Variants in FRMD4B observed in about 807,000 individuals in gnomAD.
FRMD4B encodes FERM domain containing 4B.
Under a neutral mutation model 141.5 loss-of-function variants are expected in FRMD4B, and 74 were observed. That is an observed-to-expected ratio of 0.52 (90% CI 0.43 to 0.63). The LOEUF (loss-of-function observed/expected upper bound fraction) is 0.63, where lower values mean the gene tolerates loss of function less well. FRMD4B is among the 30% of genes least tolerant of loss of function. FRMD4B has a pLI of 0.00. For missense variants in FRMD4B, 1,366 were observed against 1,253.4 expected (o/e 1.09, Z -1.36); for synonymous variants, 506 against 467.9 (o/e 1.08, Z -1.05).
chr3:69,420,575 T>C (rs988825544), intron 2 of FRMD4B, among the ~76,000 whole-genome samples: 2 of 151,992 alleles, frequency 1.3e-5, no homozygotes, highest in African/African-American at 4.8e-5. Flanking sequence ...ATTAGAGATG[T>C]TCGGGTTTCA....
At chr3:69,287,198 C>T (rs764110693) in intron 5 of FRMD4B, among the ~76,000 whole-genome samples, 30 of 152,324 alleles carry the variant, frequency 2.0e-4, no homozygotes, top group Non-Finnish European at 3.7e-4. Context: ...TAAAAGTGAT[C>T]TGTCCTTGAT....
intron 1 of FRMD4B, among the ~76,000 whole-genome samples, chr3:69,360,497 A>G (rs60567850): frequency 6.6e-6 from 1 of 152,310 alleles, no homozygotes; most frequent in African/African-American, 2.4e-5. Context: ...CAAAATAAAA[A>G]AAAGCTCCAC....
chr3:69,316,848 G>A (rs1236951653), intron 1 of FRMD4B, among the ~76,000 whole-genome samples: 1 of 152,220 alleles, frequency 6.6e-6, no homozygotes, highest in Non-Finnish European at 1.5e-5. Context: ...CAGGCTGGGT[G>A]TGTTGGCTCA....
rs186711220 is a variant in FRMD4B at position 69,477,083 on chromosome 3, A to C, written c.-128-44322T>G. 3.1e-3 allele frequency among the ~76,000 whole-genome samples: 467 copies of C among 152,312 alleles called. 1 individual carries two copies. Among genetic ancestry groups the C allele is most frequent in the Non-Finnish European group, 5.0e-3 (337 of 68,038 alleles). ...TCCTGAGACTTTGCTGAGGTTGCTT[A>C]CCAGCTTAAGGAGATTTTGGGCTGA... On this transcript the variant is annotated intron_variant, in intron 1 of 5. Coordinates refer to the FRMD4B transcript ENST00000459638.
rs374595722 is a variant in FRMD4B at position 69,361,739 on chromosome 3, T to C, written c.162+24089A>G. ...GCATGAATATAGTATAGTTTATTTA[T>C]CTCCTCTCTTGTTAATGGAAATCAG... On this transcript the variant is annotated intron_variant, in intron 1 of 22. Coordinates refer to ENST00000398540, the MANE Select transcript of FRMD4B (RefSeq NM_015123.3). Among the ~76,000 whole-genome samples the C allele has an allele frequency of 5.9e-5, 9 of 152,340 alleles. No homozygotes were observed. In the East Asian group the frequency reaches 1.7e-3, roughly 29 times the overall value.
intron 1 of FRMD4B, among the ~76,000 whole-genome samples, chr3:69,361,520 T>C (rs1035655502): frequency 6.6e-6 from 1 of 152,234 alleles, no homozygotes; most frequent in African/African-American, 2.4e-5. Context: ...CTACCTCCCA[T>C]AACAACCACT....
rs540493667 is a variant in FRMD4B at position 69,204,345 on chromosome 3, A to C, written c.877-5571T>G. 1.7e-4 allele frequency among the ~76,000 whole-genome samples: 26 copies of C among 152,292 alleles called. No individual in the cohort carries two copies. In the East Asian group the frequency reaches 4.6e-3, roughly 27 times the overall value. On this transcript the variant is annotated intron_variant, in intron 11 of 22. Coordinates refer to ENST00000398540, the MANE Select transcript of FRMD4B (RefSeq NM_015123.3). ...CCTAAAGGCTTCACAATAGGCCAGG[A>C]CAGGAAAGACATCAGGAGAGGCTTG...
chr3:69,394,267 C>T (rs72937850), intron 2 of FRMD4B, among the ~76,000 whole-genome samples: 2,896 of 152,332 alleles, frequency 0.019, 98 homozygotes, highest in African/African-American at 0.066. Context: ...CTGATCCTAC[C>T]ATGGGGACCC....
intron 1 of FRMD4B, among the ~76,000 whole-genome samples, chr3:69,479,077 T>C (rs1706064906): frequency 7.4e-6 from 1 of 135,540 alleles, no homozygotes; most frequent in African/African-American, 3.0e-5. Context: ...TCCTCCATCC[T>C]TTTATTTTGA....
intron 2 of FRMD4B, among the ~76,000 whole-genome samples, chr3:69,408,768 A>T (rs912166647): frequency 2.0e-5 from 3 of 151,990 alleles, no homozygotes; most frequent in Non-Finnish European, 4.4e-5. Context: ...GCCACCTTAG[A>T]GCAGGGATGG....
At chr3:69,230,097 TC>T (rs1372980652) in intron 7 of FRMD4B, among the ~76,000 whole-genome samples, 4 of 152,048 alleles carry the variant, frequency 2.6e-5, no homozygotes, top group South Asian at 2.1e-4. Context: ...TGCCTCAGCT[TC>T]CCGAGTAGCT....
chr3:69,484,623 C>T (rs1230696553), intron 1 of FRMD4B, among the ~76,000 whole-genome samples: 1 of 152,070 alleles, frequency 6.6e-6, no homozygotes, highest in Non-Finnish European at 1.5e-5. Flanking sequence ...GAGAGGGTTG[C>T]TACTTTCTAC....
At chr3:69,410,633 C>T (rs1387511369) in intron 2 of FRMD4B, among the ~76,000 whole-genome samples, 2 of 150,058 alleles carry the variant, frequency 1.3e-5, no homozygotes, top group African/African-American at 2.5e-5. Flanking sequence ...GAATATTTTA[C>T]CTACGGGTTC....
intron 1 of FRMD4B, among the ~76,000 whole-genome samples, chr3:69,340,118 T>C (rs1702687634): frequency 6.6e-6 from 1 of 152,118 alleles, no homozygotes; most frequent in Non-Finnish European, 1.5e-5. Flanking sequence ...CTAACCCAAC[T>C]CATCTCTAAA....
chr3:69,311,324 C>T lies in FRMD4B; in HGVS notation c.262G>A (p.Val88Met), dbSNP rs1701580219. 6.2e-7 allele frequency: 1 copy of T among 1,603,726 alleles called. No individual in the cohort carries two copies. Among genetic ancestry groups the T allele is most frequent in the Non-Finnish European group, 8.5e-7 (1 of 1,171,238 alleles). ...KLLARELLDL[V>M]ASHFNLKEKE... is the part of the protein sequence containing the mutation. ...TCTTTCAGGTTGAAATGTGAAGCCA[C>T]TAGGTCCAGCAACTCTCTTGCTAGA... The change falls in exon 3 of 23, where the codon GTG becomes ATG. Residue 88 changes from valine (V) to methionine (M), a missense_variant. Coordinates refer to ENST00000398540, the MANE Select transcript of FRMD4B (RefSeq NM_015123.3).
intron 1 of FRMD4B, among the ~76,000 whole-genome samples, chr3:69,478,376 A>C (rs1334742893): frequency 6.6e-6 from 1 of 152,112 alleles, no homozygotes; most frequent in Non-Finnish European, 1.5e-5. Context: ...ACTGCTTTGA[A>C]TGTGTCCCAG....
At position 69,499,503 on chromosome 3, in the gene FRMD4B, A is replaced by G. The variant is rs545345930; in HGVS notation, c.-129+42703T>C. Among the ~76,000 whole-genome samples, 128 of 152,322 alleles carry G rather than the reference A, an allele frequency of 8.4e-4. 1 individual carries two copies. Among genetic ancestry groups the G allele is most frequent in the African/African-American group, 3.1e-3 (127 of 41,572 alleles). ...TTTGCTGTTGGACTAGATGTGAAGG[A>G]GAATGATAAAACAGAAACAAGGACA... On this transcript the variant is annotated intron_variant, in intron 1 of 5. Coordinates refer to the FRMD4B transcript ENST00000459638.
At chr3:69,474,923 G>A (rs1330878500) in intron 1 of FRMD4B, among the ~76,000 whole-genome samples, 2 of 152,156 alleles carry the variant, frequency 1.3e-5, no homozygotes, top group South Asian at 2.1e-4. Context: ...AATTCATGTG[G>A]TCCAGGAATT....
intron 11 of FRMD4B, among the ~76,000 whole-genome samples, chr3:69,207,832 G>A (rs1358787311): frequency 6.6e-6 from 1 of 151,894 alleles, no homozygotes; most frequent in Non-Finnish European, 1.5e-5. Context: ...AAAAAACAAT[G>A]GACATCTGAT....
Sources: allele counts gnomAD v4.1 joint callset (sites outside exome capture counted in the v4.1 genomes callset), GRCh38; gene constraint gnomAD v4.1.1; transcripts MANE v1.5; gene names NCBI Gene and HGNC (gene_info 2026-07-23, HGNC 2026-07-21).